The following DLG2 variants were observed in gnomAD, a reference collection of about 807,000 sequenced individuals.
DLG2 encodes the protein disks large homolog 2.
A neutral mutation model predicts 132.5 loss-of-function variants in DLG2; 45 were observed. That is an observed-to-expected ratio of 0.34 (90% CI 0.27 to 0.44). The LOEUF is 0.44. Among genes scored for constraint, DLG2 ranks in the 20% least tolerant of loss-of-function variants. The pLI, the probability that DLG2 is intolerant of heterozygous loss-of-function variation, is 1.00. For missense variants in DLG2, 1,045 were observed against 1,196.9 expected, an observed-to-expected ratio of 0.87 and a Z score of 1.87; for synonymous variants, 424 against 419.6, an observed-to-expected ratio of 1.01 and a Z score of -0.13.
chr11:84,852,179 C>T (rs1165574425), intron 6 of DLG2, among the ~76,000 whole-genome samples: 3 of 151,976 alleles, frequency 2.0e-5, no homozygotes, highest in Non-Finnish European at 4.4e-5. Flanking sequence ...TCCTCCATAG[C>T]AATCAGAGCT....
At chr11:84,078,814 G>A (rs1468698517) in intron 10 of DLG2, among the ~76,000 whole-genome samples, 1 of 152,018 alleles carries the variant, frequency 6.6e-6, no homozygotes, top group East Asian at 1.9e-4. Context: ...GGTTTTAAAG[G>A]TTCCCAATGA....
intron 18 of DLG2, among the ~76,000 whole-genome samples, chr11:83,711,688 C>T (rs956749948): frequency 6.6e-6 from 1 of 152,122 alleles, no homozygotes; most frequent in Non-Finnish European, 1.5e-5. Flanking sequence ...GTGCAAGTAT[C>T]ATGTCTAGAC....
At position 84,832,061 on chromosome 11, in the gene DLG2, A is replaced by T. The variant is rs150335363; in HGVS notation, c.357+279600T>A. On this transcript the variant is annotated intron_variant, in intron 6 of 27. Coordinates refer to ENST00000376104, the MANE Select transcript of DLG2 (RefSeq NM_001142699.3). Reference sequence around the variant, plus strand: ...GGCACAGGAAAAGCAACTTCAACACATGATATATATTTGCCAGCCCTATCC... The same window carrying T: ...GGCACAGGAAAAGCAACTTCAACACTTGATATATATTTGCCAGCCCTATCC... 1.5e-4 allele frequency among the ~76,000 whole-genome samples: 23 copies of T among 151,822 alleles called. 1 individual carries two copies. The East Asian group carries it at 4.1e-3, about 27-fold the overall frequency.
chr11:85,232,519 T>A (rs549630833), intron 4 of DLG2, among the ~76,000 whole-genome samples: 11 of 152,058 alleles, frequency 7.2e-5, no homozygotes, highest in African/African-American at 2.4e-4. Flanking sequence ...CAATGTTACC[T>A]CTTCGAAGCA....
At chr11:85,605,185 T>C (rs999730642) in intron 2 of DLG2, among the ~76,000 whole-genome samples, 9 of 152,162 alleles carry the variant, frequency 5.9e-5, no homozygotes, top group African/African-American at 2.2e-4. Context: ...CATACCTATT[T>C]TACATGAAAC....
At chr11:85,390,416 T>C (rs942516937) in intron 3 of DLG2, among the ~76,000 whole-genome samples, 31 of 152,112 alleles carry the variant, frequency 2.0e-4, no homozygotes, top group Non-Finnish European at 5.9e-5. Flanking sequence ...GGGACTTCAT[T>C]ATTCCACTGG....
At chr11:84,218,322 A>C (rs2096865584) in intron 8 of DLG2, among the ~76,000 whole-genome samples, 1 of 139,544 alleles carries the variant, frequency 7.2e-6, no homozygotes, top group African/African-American at 2.6e-5. Flanking sequence ...AGAGAGAAAG[A>C]AAGAGAAGGA....
chr11:85,172,107 C>A (rs903174409), intron 4 of DLG2, among the ~76,000 whole-genome samples: 14 of 152,332 alleles, frequency 9.2e-5, no homozygotes, highest in Non-Finnish European at 1.5e-4. Flanking sequence ...TAAGGGGCAG[C>A]CATACTGCTT....
At position 85,213,341 on chromosome 11, in the gene DLG2, T is replaced by C. The variant is rs1878480; in HGVS notation, c.187-58690A>G. On this transcript the variant is annotated intron_variant, in intron 4 of 27. Transcript: ENST00000376104. The stretch of plus-strand genomic sequence containing the variant: ...ATTTTAGGGAGACATAAGGCATCAA[T>C]TAATACATGTAAGATGTACATTGGT... Among the ~76,000 whole-genome samples the C allele has an allele frequency of 5.1e-3, 780 of 152,136 alleles. 18 individuals are homozygous for C. The highest frequency in any genetic ancestry group is 0.018 in the African/African-American group (754 of 41,496).
chr11:83,471,711 C>T lies in DLG2; in HGVS notation c.2361G>A (p.Pro787=), dbSNP rs370359922. The T allele has an allele frequency of 7.4e-6, 12 of 1,612,680 alleles. No individual in the cohort carries two copies. The highest frequency in any genetic ancestry group is 4.4e-5 in the South Asian group (4 of 91,018). The part of the protein sequence containing the change: ...VTRQEINYTR[P]VIILGPMKDR... ...CCTTCATGGGCCCCAGGATAATCAC[C>T]GGCCGGGTGTAGTTTACTGCAGAAT... Residue 787 remains proline (P), a synonymous_variant, in exon 24 of 28, where the codon CCG becomes CCA. Coordinates refer to ENST00000376104, the MANE Select transcript of DLG2 (RefSeq NM_001142699.3).
chr11:84,062,229 C>G (rs543911528), intron 10 of DLG2, among the ~76,000 whole-genome samples: 1 of 152,274 alleles, frequency 6.6e-6, no homozygotes, highest in South Asian at 2.1e-4. Context: ...TTAGGACTAG[C>G]AGTCAGGAGG....
chr11:84,235,931 A>G (rs934696876), intron 8 of DLG2, among the ~76,000 whole-genome samples: 3 of 152,170 alleles, frequency 2.0e-5, no homozygotes, highest in African/African-American at 7.2e-5. Flanking sequence ...CATATGTACA[A>G]AATTTTAATA....
chr11:85,099,933 C>G (rs1257170630), intron 6 of DLG2, among the ~76,000 whole-genome samples: 3 of 152,170 alleles, frequency 2.0e-5, no homozygotes, highest in Non-Finnish European at 4.4e-5. Flanking sequence ...CTTCTAAAGG[C>G]TCCTTCATCA....
chr11:84,152,258 T>C (rs1174723261), intron 9 of DLG2, among the ~76,000 whole-genome samples: 1 of 152,164 alleles, frequency 6.6e-6, no homozygotes, highest in African/African-American at 2.4e-5. Flanking sequence ...GATAGTTAAG[T>C]CCTCTTTGAA....
intron 7 of DLG2, among the ~76,000 whole-genome samples, chr11:84,398,510 G>C (rs1393012677): frequency 6.6e-6 from 1 of 152,140 alleles, no homozygotes; most frequent in Non-Finnish European, 1.5e-5. Context: ...ATAAGAATGA[G>C]TATTTTTTAA....
At chr11:85,226,594 G>C (rs1429340125) in intron 4 of DLG2, among the ~76,000 whole-genome samples, 2 of 151,994 alleles carry the variant, frequency 1.3e-5, no homozygotes, top group Non-Finnish European at 2.9e-5. Context: ...ATAACAGAAA[G>C]TGAATAAATA....
intron 2 of DLG2, among the ~76,000 whole-genome samples, chr11:85,609,681 C>T (rs2080851510): frequency 6.6e-6 from 1 of 152,166 alleles, no homozygotes; most frequent in South Asian, 2.1e-4. Context: ...AACAACAGGA[C>T]TGAGGGTGCC....
chr11:85,559,234 C>G (rs1298332599), intron 3 of DLG2, among the ~76,000 whole-genome samples: 1 of 150,768 alleles, frequency 6.6e-6, no homozygotes, highest in African/African-American at 2.4e-5. Flanking sequence ...TCACTGCAAC[C>G]TCTGCCTCCC....
chr11:84,657,521 G>A (rs2099689664), intron 6 of DLG2, among the ~76,000 whole-genome samples: 2 of 152,172 alleles, frequency 1.3e-5, no homozygotes, highest in African/African-American at 2.4e-5. Flanking sequence ...TTTTTTTCAC[G>A]AATGAGAAGG....
Sources: gnomAD v4.1 joint callset for allele counts (sites outside exome capture counted in the v4.1 genomes callset) on GRCh38, gnomAD v4.1.1 for gene constraint, MANE v1.5 for transcripts, NCBI Gene and HGNC (gene_info 2026-07-23, HGNC 2026-07-21) for gene names.